Variants in RIMS2 observed in about 807,000 individuals in gnomAD.
The protein encoded by RIMS2 is regulating synaptic membrane exocytosis 2, also known as regulating synaptic membrane exocytosis protein 2.
RIMS2 carries 59 observed loss-of-function variants against 174.4 expected under a neutral mutation model. The observed-to-expected ratio is 0.34, with a 90% CI of 0.27 to 0.42. The LOEUF (loss-of-function observed/expected upper bound fraction) is 0.42, where lower values mean the gene tolerates loss of function less well. Ranked by LOEUF, RIMS2 falls within the 10% of genes least tolerant of loss-of-function variation. The probability of loss-of-function intolerance (pLI) is 1.00; values close to 1 mark genes in which losing one functional copy is unlikely to be tolerated. For synonymous variants in RIMS2, 606 were observed against 572.5 expected (o/e 1.06, Z -0.84); for missense variants, 1,620 against 1,666.3 (o/e 0.97, Z 0.48).
rs146024626 is a variant in RIMS2, at chr8:103,782,871, A to G, written c.698+16334A>G. Among the ~76,000 whole-genome samples the G allele has an allele frequency of 1.1e-3, 165 of 152,316 alleles. 1 individual carries two copies. Among genetic ancestry groups the G allele is most frequent in the African/African-American group, 3.8e-3 (160 of 41,566 alleles). On this transcript the variant is annotated intron_variant, in intron 3 of 23. Transcript: ENST00000504942. Reference sequence around the variant, plus strand: ...ATGGATTTTTAGCATCTCCATTTATATTATAGAAAATAACTCTTTGTGGAA... The same window carrying G: ...ATGGATTTTTAGCATCTCCATTTATGTTATAGAAAATAACTCTTTGTGGAA...
chr8:103,865,190 T>A (rs2099078596), intron 3 of RIMS2, among the ~76,000 whole-genome samples: 1 of 151,544 alleles, frequency 6.6e-6, no homozygotes, highest in African/African-American at 2.4e-5. Context: ...ATACAAAGTC[T>A]CATGAATTAT....
At chr8:104,243,700 T>A (rs1009661202) in intron 19 of RIMS2, among the ~76,000 whole-genome samples, 1 of 151,870 alleles carries the variant, frequency 6.6e-6, no homozygotes, top group African/African-American at 2.4e-5. Context: ...AAAAAGAACT[T>A]ATTAATACCA....
In RIMS2 at chr8:103,936,729, G is replaced by A. The variant is rs2081320427; in HGVS notation, c.2547+7G>A. ...AAGTGAATTCTTAGGCGAGGTATCTGGAGTTGTTTTAAAGTTTATGCTATT... is the reference window on the plus strand; with the variant it reads ...AAGTGAATTCTTAGGCGAGGTATCTAGAGTTGTTTTAAAGTTTATGCTATT... On this transcript the variant is annotated splice_region_variant and intron_variant, in intron 13 of 23. Coordinates refer to ENST00000504942, the Ensembl canonical transcript of RIMS2. The A allele has an allele frequency of 1.9e-6, 3 of 1,592,326 alleles. No homozygotes were observed. The highest frequency in any genetic ancestry group is 2.7e-5 in the African/African-American group (2 of 73,522).
intron 1 of RIMS2, 25 bp downstream of exon 1, chr8:103,501,087 GCCTCTCTCCCTGCCCTCCGCCC>G (rs1360223616): frequency 1.3e-6 from 2 of 1,541,822 alleles, no homozygotes; most frequent in Non-Finnish European, 1.8e-6. Flanking sequence ...CCATATTCCC[GCCTCTCTCCCTGCCCTCCGCCC>G]CCTCGCCCAC....
At chr8:103,834,676 T>TTTTCTTCCTTTCTTTCTTTCTTTC (rs561054687) in intron 3 of RIMS2, among the ~76,000 whole-genome samples, 135 of 120,094 alleles carry the variant, frequency 1.1e-3, no homozygotes, top group South Asian at 2.1e-3. Flanking sequence ...TCTGAGGTCT[T>TTTTCTTCCTTTCTTTCTTTCTTTC]TTTCTTTCTT....
intron 4 of RIMS2, among the ~76,000 whole-genome samples, chr8:103,896,574 T>C (rs1417102132): frequency 1.3e-5 from 2 of 151,644 alleles, no homozygotes; most frequent in Non-Finnish European, 2.9e-5. Flanking sequence ...TGTGCCACTA[T>C]CTAGAAGTAC....
At chr8:103,843,181 C>G (rs920974758) in intron 3 of RIMS2, among the ~76,000 whole-genome samples, 2 of 152,150 alleles carry the variant, frequency 1.3e-5, no homozygotes, top group African/African-American at 4.8e-5. Flanking sequence ...AATTATTAAT[C>G]AAGGATAAAT....
At chr8:103,625,147 C>T (rs1357063508) in intron 1 of RIMS2, among the ~76,000 whole-genome samples, 1 of 151,488 alleles carries the variant, frequency 6.6e-6, no homozygotes, top group Admixed American at 6.6e-5. Context: ...AGGGCTGGGG[C>T]AGGGGTGTTT....
chr8:104,180,410 A>AT (rs2098933214), intron 19 of RIMS2, among the ~76,000 whole-genome samples: 3 of 144,784 alleles, frequency 2.1e-5, no homozygotes, highest in South Asian at 4.3e-4. Flanking sequence ...TTTCATTTTC[A>AT]TTTTTTTCAG....
intron 17 of RIMS2, among the ~76,000 whole-genome samples, chr8:103,999,910 G>T (rs2095309701): frequency 6.6e-6 from 1 of 151,646 alleles, no homozygotes; most frequent in African/African-American, 2.4e-5. Flanking sequence ...AATTTGGTTT[G>T]TGCTGAGAAA....
At chr8:103,726,048 T>G (rs927653266) in intron 2 of RIMS2, among the ~76,000 whole-genome samples, 1 of 152,352 alleles carries the variant, frequency 6.6e-6, no homozygotes, top group Non-Finnish European at 1.5e-5. Flanking sequence ...TCTCACTCTA[T>G]ATATACTGAA....
chr8:103,781,508 A>G (rs763201374), intron 3 of RIMS2, among the ~76,000 whole-genome samples: 2 of 152,220 alleles, frequency 1.3e-5, no homozygotes, highest in South Asian at 2.1e-4. Flanking sequence ...ATTTTGTTCA[A>G]AATGACTTAG....
intron 19 of RIMS2, among the ~76,000 whole-genome samples, chr8:104,099,452 G>T (rs138835700): frequency 6.6e-6 from 1 of 152,102 alleles, no homozygotes; most frequent in Non-Finnish European, 1.5e-5. Context: ...CTTCTACTCT[G>T]TTTTATGATT....
At chr8:104,166,256 C>T (rs936518589) in intron 19 of RIMS2, among the ~76,000 whole-genome samples, 14 of 151,190 alleles carry the variant, frequency 9.3e-5, no homozygotes, top group African/African-American at 3.1e-4. Context: ...TTAGTAGAGG[C>T]GGGGTTTCAC....
chr8:104,049,371 G>C (rs1482306653), intron 19 of RIMS2, among the ~76,000 whole-genome samples: 1 of 152,134 alleles, frequency 6.6e-6, no homozygotes, highest in Non-Finnish European at 1.5e-5. Flanking sequence ...CTTGCAGTGA[G>C]CCGAGATCGC....
intron 1 of RIMS2, among the ~76,000 whole-genome samples, chr8:103,639,458 C>T (rs919354304): frequency 6.6e-6 from 1 of 151,804 alleles, no homozygotes; most frequent in African/African-American, 2.4e-5. Flanking sequence ...TAATACTTCC[C>T]TCTTTCATTG....
At chr8:104,147,653 C>T (rs1229217856) in intron 19 of RIMS2, among the ~76,000 whole-genome samples, 1 of 152,138 alleles carries the variant, frequency 6.6e-6, no homozygotes, top group Non-Finnish European at 1.5e-5. Context: ...GTAAAACTTT[C>T]TAATACTGAG....
intron 16 of RIMS2, chr8:103,976,176 G>T (rs559786672): frequency 8.5e-5 from 13 of 152,208 alleles, no homozygotes; most frequent in Non-Finnish European, 1.3e-4. Context: ...AAAGATAAGA[G>T]ATTCTTGTGG....
At chr8:104,248,768 C>T in exon 21 of RIMS2, 1 of 1,612,992 alleles carries the variant, frequency 6.2e-7, no homozygotes, top group Non-Finnish European at 8.5e-7. Context: ...TGGCCTTGGC[C>T]CTGCTCAGCT....
Sources: allele counts gnomAD v4.1 joint callset (sites outside exome capture counted in the v4.1 genomes callset), GRCh38; gene constraint gnomAD v4.1.1; transcripts MANE v1.5; gene names NCBI Gene and HGNC (gene_info 2026-07-23, HGNC 2026-07-21).